Variants in PLPBP observed in about 807,000 individuals in gnomAD.
PLPBP encodes the protein pyridoxal phosphate binding protein, also known as pyridoxal phosphate homeostasis protein.
Under a neutral mutation model 31.2 loss-of-function variants are expected in PLPBP, and 21 were observed. That is an observed-to-expected ratio of 0.67 (90% CI 0.48 to 0.97). PLPBP has a LOEUF of 0.97. Among genes scored for constraint, PLPBP ranks in the 50% least tolerant of loss-of-function variants. The pLI, the probability that PLPBP is intolerant of heterozygous loss-of-function variation, is 0.00. For synonymous variants in PLPBP, 124 were observed against 135.6 expected, an observed-to-expected ratio of 0.91 and a Z score of 0.59; for missense variants, 308 against 354.4, an observed-to-expected ratio of 0.87 and a Z score of 1.05.
At chr8:37,765,422 C>A in intron 1 of PLPBP, 104 bp from the exon 2 acceptor site, 2 of 1,069,738 alleles carry the variant, frequency 1.9e-6, no homozygotes, top group Non-Finnish European at 2.8e-6. Context: ...TACCTAATGC[C>A]AAGTTGAGAT....
chr8:37,774,305 A>G (rs772844314), intron 5 of PLPBP, among the ~76,000 whole-genome samples: 2 of 152,248 alleles, frequency 1.3e-5, no homozygotes, highest in Non-Finnish European at 2.9e-5. Flanking sequence ...TGTGAATAGA[A>G]GCATGGGCTT....
chr8:37,762,903 G>T, intron 1 of PLPBP, 145 bp downstream of exon 1: 2 of 1,078,974 alleles, frequency 1.9e-6, no homozygotes, highest in Non-Finnish European at 2.6e-6. Flanking sequence ...AAAGGCTAGC[G>T]AAGGGTTTCC....
At position 37,779,670 on chromosome 8, in the gene PLPBP, C is replaced by G. The variant is rs1769896642; in HGVS notation, c.*1566C>G. 6.6e-6 allele frequency: 1 copy of G among 152,636 alleles called. No individual in the cohort carries two copies. The highest frequency in any genetic ancestry group is 1.5e-5 in the Non-Finnish European group (1 of 68,034). The allele number at this position is 152,636 out of a possible 1,614,324, so 9.5% of individuals were successfully genotyped here. ...GATTCCTGTATTATTTCAGTGAGAGCTACAGTGTGATATTTCAGAGTCTAT... is the reference window on the plus strand; with the variant it reads ...GATTCCTGTATTATTTCAGTGAGAGGTACAGTGTGATATTTCAGAGTCTAT... On this transcript the variant is annotated 3_prime_UTR_variant, in exon 8 of 8. Coordinates refer to ENST00000328195, the MANE Select transcript of PLPBP (RefSeq NM_007198.4).
rs1164261027 is a variant in PLPBP, at chr8:37,778,532, A to G, written c.*428A>G. 1 of 154,264 alleles carries G rather than the reference A, an allele frequency of 6.5e-6. No individual in the cohort carries two copies. Among genetic ancestry groups the G allele is most frequent in the East Asian group, 1.9e-4 (1 of 5,260 alleles). 9.6% of individuals were successfully genotyped at this position (154,264 alleles called of 1,614,324 possible). A position where few individuals can be genotyped will look rare whatever the true frequency, so the allele number is the denominator to read the frequency against. ...TACAAACTCCTACTACGTCGTCTAA[A>G]TTGCTGCTCTGGAATAAGGTGATTT... On this transcript the variant is annotated 3_prime_UTR_variant, in exon 8 of 8. Transcript: ENST00000328195.
At chr8:37,775,787 C>T (rs1040825714) in intron 6 of PLPBP, 131 bp from the exon 7 acceptor site, 13 of 1,004,458 alleles carry the variant, frequency 1.3e-5, no homozygotes, top group African/African-American at 4.8e-5. Context: ...CTTTCAGTAA[C>T]GTCTGGCAAT....
intron 4 of PLPBP, chr8:37,766,600 T>C: frequency 4.4e-6 from 5 of 1,130,882 alleles, no homozygotes; most frequent in Non-Finnish European, 5.4e-6. Flanking sequence ...TATTATTTGG[T>C]GGTCTTTCAG....
In PLPBP at chr8:37,764,949, T is replaced by A. The variant is rs145119607; in HGVS notation, c.100-577T>A. ...ACTTTGGGAGGCCGAAGTGGGCAGATCACCTGAGGTCGGGAGTTCAAGGCC... is the reference window on the plus strand; with the variant it reads ...ACTTTGGGAGGCCGAAGTGGGCAGAACACCTGAGGTCGGGAGTTCAAGGCC... On this transcript the variant is annotated intron_variant, in intron 1 of 7. Coordinates refer to ENST00000328195, the MANE Select transcript of PLPBP (RefSeq NM_007198.4). Among the ~76,000 whole-genome samples, 21 of 152,284 alleles carry A rather than the reference T, an allele frequency of 1.4e-4. 1 individual carries two copies. The East Asian group carries it at 4.1e-3, about 29-fold the overall frequency.
chr8:37,774,767 G>A (rs1202082427), intron 5 of PLPBP, among the ~76,000 whole-genome samples: 1 of 152,192 alleles, frequency 6.6e-6, no homozygotes, highest in African/African-American at 2.4e-5. Flanking sequence ...TGAAGTAAAT[G>A]TTACTAGTAT....
intron 1 of PLPBP, among the ~76,000 whole-genome samples, chr8:37,764,368 C>T (rs1272447655): frequency 1.3e-5 from 2 of 152,194 alleles, no homozygotes; most frequent in Non-Finnish European, 2.9e-5. Context: ...GTCACCCAGG[C>T]TGGAGTGCAA....
chr8:37,770,611 C>G (rs573257486), intron 4 of PLPBP, among the ~76,000 whole-genome samples: 1 of 152,360 alleles, frequency 6.6e-6, no homozygotes, highest in African/African-American at 2.4e-5. Context: ...CAGGGTCTCA[C>G]TCTGCACCCA....
At chr8:37,766,565 G>A in intron 4 of PLPBP, 7 of 1,189,522 alleles carry the variant, frequency 5.9e-6, no homozygotes, top group Non-Finnish European at 7.3e-6. Flanking sequence ...TATATACTTG[G>A]AAACCTACCC....
intron 4 of PLPBP, 32 bp downstream of exon 4, chr8:37,766,387 G>A: frequency 2.5e-6 from 4 of 1,578,492 alleles, no homozygotes; most frequent in Non-Finnish European, 3.5e-6. Context: ...AAACAAAATT[G>A]TTCTGTCATT....
At chr8:37,777,038 A>T (rs768088362) in intron 7 of PLPBP, among the ~76,000 whole-genome samples, 1 of 152,206 alleles carries the variant, frequency 6.6e-6, no homozygotes, top group Non-Finnish European at 1.5e-5. Context: ...AAGTGATGGG[A>T]TTACAGGCAT....
rs1288732237 is a variant in PLPBP at position 37,766,752 on chromosome 8, T to C, written c.319+397T>C. 9.4e-6 allele frequency: 7 copies of C among 740,854 alleles called. No individual in the cohort carries two copies. In the African/African-American group the frequency reaches 1.2e-4, roughly 12 times the overall value. 45.9% of individuals were successfully genotyped at this position (740,854 alleles called of 1,614,324 possible). On this transcript the variant is annotated intron_variant, in intron 4 of 7. Coordinates refer to ENST00000328195, the MANE Select transcript of PLPBP (RefSeq NM_007198.4). ...TATAGTAAAGTAAAATTAAGAATTA[T>C]AGTAAAGTAGGCCAGGCGCGGTGGC...
At position 37,779,432 on chromosome 8, in the gene PLPBP, A is replaced by C. The variant is rs571848087; in HGVS notation, c.*1328A>C. ...TGTATTTACAAGCCAGAATTGTGCA[A>C]CTCTTCTGGATCATTAATAAAGTAG... On this transcript the variant is annotated 3_prime_UTR_variant, in exon 8 of 8. Coordinates refer to ENST00000328195, the MANE Select transcript of PLPBP (RefSeq NM_007198.4). 6.6e-6 allele frequency: 1 copy of C among 152,106 alleles called. No homozygotes were observed. The highest frequency in any genetic ancestry group is 1.5e-5 in the Non-Finnish European group (1 of 68,000). 9.4% of individuals were successfully genotyped at this position (152,106 alleles called of 1,614,324 possible).
rs1313602618 is a variant in PLPBP, at chr8:37,765,640, G to A, written c.207+7G>A. The A allele has an allele frequency of 8.7e-6, 14 of 1,614,214 alleles. No homozygotes were observed. The highest frequency in any genetic ancestry group is 1.1e-5 in the Non-Finnish European group (13 of 1,180,028). On this transcript the variant is annotated splice_region_variant and intron_variant, in intron 2 of 7. Transcript: ENST00000328195. ...CACTTTTGGCGAGAACTACGTAAGA[G>A]CCCTTTCCTGAAGCCCTTTGGAAGC...
chr8:37,777,594 A>G (rs909258047), intron 7 of PLPBP, among the ~76,000 whole-genome samples: 2 of 151,436 alleles, frequency 1.3e-5, no homozygotes. Flanking sequence ...TTTTTTTGAG[A>G]TGGAGTTTCG....
chr8:37,773,583 C>T (rs1210996276), intron 5 of PLPBP, among the ~76,000 whole-genome samples: 1 of 152,074 alleles, frequency 6.6e-6, no homozygotes, highest in Non-Finnish European at 1.5e-5. Flanking sequence ...ATTCTCCTGC[C>T]TCAGCCTCCC....
At chr8:37,768,544 C>G (rs982792171) in intron 4 of PLPBP, among the ~76,000 whole-genome samples, 1 of 142,064 alleles carries the variant, frequency 7.0e-6, no homozygotes, top group African/African-American at 2.7e-5. Context: ...GCGATCTCAG[C>G]TTTCTGCAAC....
Sources: allele counts gnomAD v4.1 joint callset (sites outside exome capture counted in the v4.1 genomes callset), GRCh38; gene constraint gnomAD v4.1.1; transcripts MANE v1.5; gene names NCBI Gene and HGNC (gene_info 2026-07-23, HGNC 2026-07-21).